The following PLIN4 variants were observed in gnomAD, a reference collection of about 807,000 sequenced individuals.
The protein encoded by PLIN4 is perilipin 4.
Under a neutral mutation model 52.4 loss-of-function variants are expected in PLIN4, and 57 were observed. That is an observed-to-expected ratio of 1.09 (90% CI 0.88 to 1.36). The LOEUF (loss-of-function observed/expected upper bound fraction) is 1.36. Ranked by LOEUF, PLIN4 falls within the 40% of genes most tolerant of loss-of-function variation. PLIN4 has a pLI of 0.00. For missense variants in PLIN4, 1,757 were observed against 1,770.3 expected (o/e 0.99, Z 0.13); for synonymous variants, 826 against 785.4 (o/e 1.05, Z -0.86).
rs763479451 is a variant in PLIN4 at position 4,513,421 on chromosome 19, A to G, written c.539T>C (p.Val180Ala). The change falls in exon 5 of 8, where the codon GTG becomes GCG. Residue 180 changes from valine (V) to alanine (A), a missense_variant. Coordinates refer to ENST00000301286, the MANE Select transcript of PLIN4 (RefSeq NM_001367868.2). ...DTVSTGLTGAVNVAKGTVQAG... is the reference protein window; with the variant it reads ...DTVSTGLTGAANVAKGTVQAG... ...CTGTACGGTCCCTTTGGCCACATTC[A>G]CTGCCCCCGTGAGCCCAGTGGACAC... is the stretch of plus-strand genomic sequence containing the variant. The G allele has an allele frequency of 1.3e-5, 21 of 1,612,922 alleles. No homozygotes were observed. The highest frequency in any genetic ancestry group is 1.6e-4 in the Middle Eastern group (1 of 6,084).
chr19:4,510,405 G>A (rs757582079), intron 5 of PLIN4, 41 bp downstream of exon 5: 19 of 1,366,278 alleles, frequency 1.4e-5, no homozygotes, highest in Non-Finnish European at 1.8e-5. Context: ...GCTAGCAGCT[G>A]TGCCTGCCTC....
rs1223976759 is a variant in PLIN4 at position 4,504,961 on chromosome 19, A to G, written c.3703-14T>C. On this transcript the variant is annotated splice_polypyrimidine_tract_variant and intron_variant, in intron 6 of 7. Coordinates refer to ENST00000301286, the MANE Select transcript of PLIN4 (RefSeq NM_001367868.2). ...GGCCTTTTCAATCTGGAGAGAGAGT[A>G]CAGTGGGGAAATGATGGCTTCTTGG... is the stretch of plus-strand genomic sequence containing the variant. 1 of 1,590,828 alleles carries G rather than the reference A, an allele frequency of 6.3e-7. No homozygotes were observed. Among genetic ancestry groups the G allele is most frequent in the African/African-American group, 1.3e-5 (1 of 74,592 alleles).
chr19:4,504,705 G>T lies in PLIN4; in HGVS notation c.3870C>A (p.Ser1290Arg). The part of the protein sequence containing the change: ...LHTAYSGLVS[S>R]LQGLPAELQQ... The stretch of plus-strand genomic sequence containing the variant: ...GGAGCTCGGCGGGCAGGCCCTGGAG[G>T]CTGGAGACCAGGCCACTGTAGGCCG... The change falls in exon 8 of 8, where the codon AGC becomes AGA. Residue 1290 changes from serine to arginine, a missense_variant. Physicochemically the swap from Ser to Arg is moderately radical, Grantham distance 110 (BLOSUM62 -1). Around this residue, in one of 7 missense-constraint regions of PLIN4, gnomAD observed 712 missense variants for 637.1 expected, o/e 1.12. Coordinates refer to ENST00000301286, the MANE Select transcript of PLIN4 (RefSeq NM_001367868.2). The T allele has an allele frequency of 6.2e-7, 1 of 1,601,256 alleles. No individual in the cohort carries two copies.
Position 4,513,393 on chromosome 19 carries a change from G to A in PLIN4, c.567C>T (p.Ala189=), listed in dbSNP as rs142527003. Residue 189 remains alanine, a synonymous_variant, in exon 5 of 8, where the codon GCC becomes GCT. Transcript: ENST00000301286. The part of the protein sequence containing the change: ...AVNVAKGTVQ[A]GVDTTKTVLT... Reference sequence around the variant, plus strand: ...GCACAGTCTTGGTGGTGTCCACACCGGCCTGTACGGTCCCTTTGGCCACAT... The same window carrying A: ...GCACAGTCTTGGTGGTGTCCACACCAGCCTGTACGGTCCCTTTGGCCACAT... 96 of 1,613,304 alleles carry A rather than the reference G, an allele frequency of 6.0e-5. No individual in the cohort carries two copies. Among genetic ancestry groups the A allele is most frequent in the Middle Eastern group, 1.6e-4 (1 of 6,062 alleles).
At chr19:4,516,718 A>C (rs1436841642) in intron 3 of PLIN4, 40 bp from the exon 4 acceptor site, 2 of 1,528,814 alleles carry the variant, frequency 1.3e-6, no homozygotes, top group African/African-American at 1.4e-5. Flanking sequence ...TGAGGGATGC[A>C]GTTAGAACCA....
At chr19:4,517,193 A>G (rs950652458) in intron 3 of PLIN4, among the ~76,000 whole-genome samples, 6 of 152,140 alleles carry the variant, frequency 3.9e-5, no homozygotes. Context: ...GTGTGACCCC[A>G]GGGGAGCTGT....
chr19:4,504,177 G>A lies in PLIN4; in HGVS notation c.*282C>T. 2.6e-6 allele frequency: 1 copy of A among 387,374 alleles called. No homozygotes were observed. Among genetic ancestry groups the A allele is most frequent in the East Asian group, 3.9e-5 (1 of 25,604 alleles). The allele number at this position is 387,374 out of a possible 1,614,324, so 24.0% of individuals were successfully genotyped here. On this transcript the variant is annotated 3_prime_UTR_variant, in exon 8 of 8. Transcript: ENST00000301286. The stretch of plus-strand genomic sequence containing the variant: ...GCAGTGCTTGCTTGGGGACTTCAAG[G>A]GAAGGCTCTTGGCTGGTGGTCTGAG...
intron 6 of PLIN4, among the ~76,000 whole-genome samples, chr19:4,505,938 T>TG (rs57628689): frequency 0.32 from 48,596 of 151,644 alleles, 8,191 homozygotes; most frequent in East Asian, 0.58. Context: ...AGGGGTCTCT[T>TG]GGGGTCTTCT....
chr19:4,509,748 T>C (rs1308049711), intron 5 of PLIN4, among the ~76,000 whole-genome samples: 1 of 152,064 alleles, frequency 6.6e-6, no homozygotes, highest in African/African-American at 2.4e-5. Flanking sequence ...GAGACCAGCC[T>C]GGGCAACATA....
At position 4,517,614 on chromosome 19, in the gene PLIN4, G is replaced by A. The variant is rs576232911; in HGVS notation, c.136C>T (p.Arg46Trp). ...VANAHSSARA[R>W]PAADPTGAPA... ...GCTCCTGTGGGGTCAGCGGCCGGCC[G>A]GGCTCTCGCCGAGCTATGTGCGTTG... Residue 46 changes from arginine (R) to tryptophan (W), a missense_variant, in exon 3 of 8, where the codon CGG becomes TGG. Coordinates refer to ENST00000301286, the MANE Select transcript of PLIN4 (RefSeq NM_001367868.2). 3.8e-5 allele frequency: 61 copies of A among 1,610,390 alleles called. No individual in the cohort carries two copies. Among genetic ancestry groups the A allele is most frequent in the South Asian group, 1.9e-4 (17 of 90,640 alleles).
rs778375096 is a variant in PLIN4 at position 4,512,239 on chromosome 19, C to T, written c.1721G>A (p.Gly574Glu). Residue 574 changes from glycine to glutamate, a missense_variant, in exon 5 of 8, where the codon GGG becomes GAG. Coordinates refer to ENST00000301286, the MANE Select transcript of PLIN4 (RefSeq NM_001367868.2). The stretch of plus-strand genomic sequence containing the variant: ...AGCCCCCTTGGCCACATTCGCTGCC[C>T]CCGTGAGCCCAGTGGACATCGTGTC... ...TKDTMSTGLT[G>E]AANVAKGAVQ... The T allele has an allele frequency of 8.7e-6, 14 of 1,612,850 alleles. No individual in the cohort carries two copies. Among genetic ancestry groups the T allele is most frequent in the Middle Eastern group, 1.6e-4 (1 of 6,080 alleles).
rs376264671 is a variant in PLIN4 at position 4,512,537 on chromosome 19, C to T, written c.1423G>A (p.Gly475Ser). 2.5e-5 allele frequency: 40 copies of T among 1,607,212 alleles called. No individual in the cohort carries two copies. Among genetic ancestry groups the T allele is most frequent in the East Asian group, 1.1e-4 (5 of 44,738 alleles). The change falls in exon 5 of 8, where the codon GGT becomes AGT. Residue 475 changes from glycine to serine, a missense_variant. By Grantham distance (56) the Gly-to-Ser change is moderately conservative. This residue lies in a region of PLIN4 where 439 missense variants were observed against 406.4 expected (regional missense o/e 1.08). Transcript: ENST00000301286. ...TKDTVCSGVTGAANVAKGAVQ... is the reference protein window; with the variant it reads ...TKDTVCSGVTSAANVAKGAVQ... Reference sequence around the variant, plus strand: ...GCCCCTTTGGCCACATTCGCAGCACCGGTGACCCCACTGCAGACAGTGTCC... The same window carrying T: ...GCCCCTTTGGCCACATTCGCAGCACTGGTGACCCCACTGCAGACAGTGTCC...
At chr19:4,515,118 G>A (rs536361552) in intron 4 of PLIN4, among the ~76,000 whole-genome samples, 1 of 151,716 alleles carries the variant, frequency 6.6e-6, no homozygotes, top group Admixed American at 6.6e-5. Context: ...AGAGATTGCA[G>A]TGAGCCGAGA....
At position 4,513,003 on chromosome 19, in the gene PLIN4, G is replaced by C; in HGVS notation, c.957C>G (p.Ile319Met). 4.0e-6 allele frequency: 2 copies of C among 500,674 alleles called. No individual in the cohort carries two copies. Among genetic ancestry groups the C allele is most frequent in the Non-Finnish European group, 6.8e-6 (2 of 294,826 alleles). The allele number at this position is 500,674 out of a possible 1,614,324, so 31.0% of individuals were successfully genotyped here. ...TCTTACTGGTGTCCACGCCGGTCTGGATGGTTCCTTTGGCCACATTCATGG... is the reference window on the plus strand; with the variant it reads ...TCTTACTGGTGTCCACGCCGGTCTGCATGGTTCCTTTGGCCACATTCATGG... ...TGAMNVAKGTIQTGVDTSKTV... is the reference protein window; with the variant it reads ...TGAMNVAKGTMQTGVDTSKTV... Residue 319 changes from isoleucine to methionine, a missense_variant, in exon 5 of 8, where the codon ATC (isoleucine) becomes ATG (methionine). Physicochemically the swap from Ile to Met is conservative, Grantham distance 10. This residue lies in a region of PLIN4 where 99 missense variants were observed against 143.4 expected (regional missense o/e 0.69). Coordinates refer to ENST00000301286, the MANE Select transcript of PLIN4 (RefSeq NM_001367868.2).
chr19:4,511,914 G>C lies in PLIN4; in HGVS notation c.2046C>G (p.Ala682=). 6.2e-7 allele frequency: 1 copy of C among 1,604,366 alleles called. No individual in the cohort carries two copies. The highest frequency in any genetic ancestry group is 1.7e-5 in the Admixed American group (1 of 59,560). The change falls in exon 5 of 8, where the codon GCC becomes GCG. Residue 682 remains alanine, a synonymous_variant. Transcript: ENST00000301286. The stretch of plus-strand genomic sequence containing the variant: ...TCTTGGCCGTGTCTACACCTGTCTG[G>C]GCAGCCCCTTTGGCCACATTCACAG... ...TSAVNVAKGA[A]QTGVDTAKTV...
rs57042059 is a variant in PLIN4, at chr19:4,512,625, A to T, written c.1335T>A (p.Asn445Lys). 3 of 1,570,002 alleles carry T rather than the reference A, an allele frequency of 1.9e-6. 1 individual carries two copies. Among genetic ancestry groups the T allele is most frequent in the African/African-American group, 3.5e-5 (2 of 56,354 alleles). Residue 445 changes from asparagine (N) to lysine (K), a missense_variant, in exon 5 of 8, where the codon AAT becomes AAA. Coordinates refer to ENST00000301286, the MANE Select transcript of PLIN4 (RefSeq NM_001367868.2). ...TVCSGVTGAMNLARGTIQTGV... is the reference protein window; with the variant it reads ...TVCSGVTGAMKLARGTIQTGV... ...CTGTCTGGATGGTTCCTCTGGCCAA[A>T]TTCATGGCACCAGTCACCCCACTGC... is the stretch of plus-strand genomic sequence containing the variant.
Position 4,504,782 on chromosome 19 carries a change from G to A in PLIN4, c.3793C>T (p.Arg1265Trp), listed in dbSNP as rs542288285. Residue 1265 changes from arginine to tryptophan, a missense_variant, in exon 8 of 8, where the codon CGG becomes TGG. Around this residue, in one of 7 missense-constraint regions of PLIN4, gnomAD observed 712 missense variants for 637.1 expected, o/e 1.12. Transcript: ENST00000301286. Reference protein sequence around the residue: ...SAEDAAVQEERDAGVLSRVCG... With the variant: ...SAEDAAVQEEWDAGVLSRVCG... ...ACCCTGGACAGAACCCCGGCATCCCGCTCCTGTGGGAGGAAGGCGCAAGGT... is the reference window on the plus strand; with the variant it reads ...ACCCTGGACAGAACCCCGGCATCCCACTCCTGTGGGAGGAAGGCGCAAGGT... 7 of 1,599,586 alleles carry A rather than the reference G, an allele frequency of 4.4e-6. No individual in the cohort carries two copies. Among genetic ancestry groups the A allele is most frequent in the East Asian group, 4.5e-5 (2 of 44,502 alleles).
rs767922478 is a variant in PLIN4, at chr19:4,511,363, C to CA, written c.2596_2597insT (p.Gly866ValfsTer30). ...TTTCGCAGCACCGGTCACCCCACTGCCAAGGGTGTTCTTTGTACCTGTTGC... is the reference window on the plus strand; with the variant it reads ...TTTCGCAGCACCGGTCACCCCACTGCACAAGGGTGTTCTTTGTACCTGTTGC... On this transcript the variant is annotated frameshift_variant, in exon 5 of 8. Coordinates refer to ENST00000301286, the MANE Select transcript of PLIN4 (RefSeq NM_001367868.2). LOFTEE classifies it high-confidence loss of function. 8.3e-7 allele frequency: 1 copy of CA among 1,202,290 alleles called. No individual in the cohort carries two copies. Among genetic ancestry groups the CA allele is most frequent in the Non-Finnish European group, 1.2e-6 (1 of 847,906 alleles). The allele number at this position is 1,202,290 out of a possible 1,614,324, so 74.5% of individuals were successfully genotyped here. A position where few individuals can be genotyped will look rare whatever the true frequency, so the allele number is the denominator to read the frequency against.
chr19:4,511,119 C>T lies in PLIN4; in HGVS notation c.2841G>A (p.Gln947=). 1 of 1,610,690 alleles carries T rather than the reference C, an allele frequency of 6.2e-7. No individual in the cohort carries two copies. Among genetic ancestry groups the T allele is most frequent in the Non-Finnish European group, 8.5e-7 (1 of 1,177,678 alleles). Residue 947 remains glutamine, a synonymous_variant, in exon 5 of 8, where the codon CAG becomes CAA. Coordinates refer to ENST00000301286, the MANE Select transcript of PLIN4 (RefSeq NM_001367868.2). ...CCGTCTTGGCTGTGTCCACACCTGT[C>T]TGGACGGTCCCTTTGGCCACATTTA... is the stretch of plus-strand genomic sequence containing the variant. ...GAVNVAKGTV[Q]TGVDTAKTVL...
Sources: allele counts gnomAD v4.1 joint callset (sites outside exome capture counted in the v4.1 genomes callset), GRCh38; gene constraint gnomAD v4.1.1; regional missense constraint gnomAD v4.1.1; transcripts MANE v1.5; gene names NCBI Gene and HGNC (gene_info 2026-07-23, HGNC 2026-07-21).